Variants in FIRRM observed in about 807,000 individuals in gnomAD.
FIRRM encodes the protein FIGNL1 interacting regulator of recombination and mitosis, also known as FIGNL1-interacting regulator of recombination and mitosis.
At chr1:169,830,435 T>G in the FIRRM span, 1 of 1,105,642 alleles carries the variant, frequency 9.0e-7, no homozygotes, top group Non-Finnish European at 1.3e-6. Flanking sequence ...GAAAAACTGT[T>G]TCAATAATCC....
chr1:169,790,264 G>A, the FIRRM span, among the ~76,000 whole-genome samples: 2 of 151,652 alleles, frequency 1.3e-5, no homozygotes, highest in South Asian at 2.1e-4. Flanking sequence ...TGCAACCTCC[G>A]CCTCCTGGGT....
the FIRRM span, chr1:169,800,958 A>C: frequency 6.4e-7 from 1 of 1,567,896 alleles, no homozygotes; most frequent in Admixed American, 1.7e-5. Context: ...TTCTTTTCAC[A>C]AGTGTTACCA....
the FIRRM span, chr1:169,842,564 C>T: frequency 1.2e-6 from 2 of 1,601,044 alleles, no homozygotes; most frequent in Non-Finnish European, 1.7e-6. Flanking sequence ...TGATCCTTTC[C>T]TTATCAAAAA....
the FIRRM span, among the ~76,000 whole-genome samples, chr1:169,824,546 A>G: frequency 6.6e-6 from 1 of 152,038 alleles, no homozygotes; most frequent in African/African-American, 2.4e-5. Flanking sequence ...CCCTGTCTCA[A>G]CTCTTTCTTG....
chr1:169,852,165 T>C, the FIRRM span: 1 of 577,310 alleles, frequency 1.7e-6, no homozygotes, highest in East Asian at 3.1e-5. Context: ...GTAGTAACCT[T>C]TAAGGGAAGT....
the FIRRM span, chr1:169,832,286 A>G: frequency 1.2e-5 from 7 of 573,260 alleles, no homozygotes; most frequent in East Asian, 1.7e-4. Flanking sequence ...GCCCCAAATT[A>G]AAAGTCAATA....
At chr1:169,832,402 CAT>C in the FIRRM span, 1 of 1,580,764 alleles carries the variant, frequency 6.3e-7, no homozygotes, top group Non-Finnish European at 8.7e-7. Flanking sequence ...CTCTCTCTCT[CAT>C]GTCTTTTTCC....
the FIRRM span, among the ~76,000 whole-genome samples, chr1:169,785,826 A>T: frequency 6.6e-6 from 1 of 152,214 alleles, no homozygotes; most frequent in Non-Finnish European, 1.5e-5. Context: ...TCTCCTGTGC[A>T]TATCAATGTA....
At chr1:169,800,917 T>A in the FIRRM span, 1 of 1,594,834 alleles carries the variant, frequency 6.3e-7, no homozygotes, top group Admixed American at 1.7e-5. Context: ...TGTTTTTACC[T>A]CATATGAACC....
At chr1:169,852,480 G>C in the FIRRM span, 1 of 335,584 alleles carries the variant, frequency 3.0e-6, no homozygotes, top group Non-Finnish European at 5.4e-6. Context: ...ATACATTTAT[G>C]AACTTGTTTA....
At chr1:169,808,380 C>T in the FIRRM span, among the ~76,000 whole-genome samples, 18 of 151,966 alleles carry the variant, frequency 1.2e-4, no homozygotes, top group Admixed American at 3.3e-4. Context: ...TATAGTCATA[C>T]ATTTGTTTTT....
chr1:169,788,773 T>C, the FIRRM span, among the ~76,000 whole-genome samples: 1 of 152,238 alleles, frequency 6.6e-6, no homozygotes, highest in Non-Finnish European at 1.5e-5. Context: ...AGGGGTAAAA[T>C]GCCCCACTTT....
chr1:169,827,142 A>G, the FIRRM span: 3 of 1,613,720 alleles, frequency 1.9e-6, no homozygotes, highest in South Asian at 1.1e-5. Context: ...GGATCCACTT[A>G]TCAGTCAGCT....
At chr1:169,830,387 T>G in the FIRRM span, 1 of 1,427,156 alleles carries the variant, frequency 7.0e-7, no homozygotes, top group South Asian at 1.2e-5. Flanking sequence ...TTATTAGTAG[T>G]GACTGACAGT....
the FIRRM span, among the ~76,000 whole-genome samples, chr1:169,794,273 C>T: frequency 6.6e-6 from 1 of 152,142 alleles, no homozygotes; most frequent in Non-Finnish European, 1.5e-5. Flanking sequence ...AATAACTTCA[C>T]TTCTGTCTTT....
chr1:169,791,676 C>T, the FIRRM span, among the ~76,000 whole-genome samples: 1 of 152,158 alleles, frequency 6.6e-6, no homozygotes, highest in South Asian at 2.1e-4. Flanking sequence ...ATGACATAAA[C>T]CTCATAAGGT....
chr1:169,845,299 A>AG, the FIRRM span, among the ~76,000 whole-genome samples: 1 of 152,252 alleles, frequency 6.6e-6, no homozygotes, highest in Admixed American at 6.5e-5. Flanking sequence ...ATAAGCCTTC[A>AG]GCAAAACATA....
chr1:169,846,168 C>A, the FIRRM span, among the ~76,000 whole-genome samples: 8 of 152,110 alleles, frequency 5.3e-5, no homozygotes, highest in East Asian at 1.5e-3. Flanking sequence ...TGAAAGAAAT[C>A]TTTTTTTCTG....
the FIRRM span, among the ~76,000 whole-genome samples, chr1:169,824,997 C>A: frequency 1.8e-4 from 27 of 152,314 alleles, no homozygotes; most frequent in Non-Finnish European, 3.2e-4. Context: ...TTTGTAACTT[C>A]TTTATTTCAG....
Sources: gnomAD v4.1 joint callset for allele counts (sites outside exome capture counted in the v4.1 genomes callset) on GRCh38, gnomAD v4.1.1 for gene constraint, MANE v1.5 for transcripts, NCBI Gene and HGNC (gene_info 2026-07-23, HGNC 2026-07-21) for gene names.